HDAC1: variants seen among roughly 807,000 people sequenced by gnomAD.
HDAC1 encodes the protein protein deacetylase HDAC1.
Under a neutral mutation model 65.5 loss-of-function variants are expected in HDAC1, and 18 were observed. That is an observed-to-expected ratio of 0.27 (90% CI 0.19 to 0.41). HDAC1 has a LOEUF of 0.41. Ranked by LOEUF, HDAC1 falls within the 10% of genes least tolerant of loss-of-function variation. HDAC1 has a pLI of 1.00. For synonymous variants in HDAC1, 211 were observed against 227.9 expected, an observed-to-expected ratio of 0.93 and a Z score of 0.67; for missense variants, 373 against 625.2, an observed-to-expected ratio of 0.60 and a Z score of 4.30.
At chr1:32,321,808 CT>C (rs1372651782) in intron 3 of HDAC1, among the ~76,000 whole-genome samples, 1 of 151,986 alleles carries the variant, frequency 6.6e-6, no homozygotes, top group Non-Finnish European at 1.5e-5. Context: ...ATAAACAAAG[CT>C]TTGGAAACGC....
intron 2 of HDAC1, among the ~76,000 whole-genome samples, chr1:32,309,602 G>T (rs1361768978): frequency 1.3e-5 from 2 of 150,158 alleles, no homozygotes; most frequent in African/African-American, 4.9e-5. Context: ...CAGGAAAATC[G>T]CTTGAACCTG....
In HDAC1 at chr1:32,327,376, A is replaced by G; in HGVS notation, c.495-160A>G. 1.5e-6 allele frequency: 1 copy of G among 674,182 alleles called. No individual in the cohort carries two copies. Among genetic ancestry groups the G allele is most frequent in the Non-Finnish European group, 2.6e-6 (1 of 386,060 alleles). 41.8% of individuals were successfully genotyped at this position (674,182 alleles called of 1,614,324 possible). A position where few individuals can be genotyped will look rare whatever the true frequency, so the allele number is the denominator to read the frequency against. On this transcript the variant is annotated intron_variant, in intron 5 of 13. Coordinates refer to ENST00000373548, the MANE Select transcript of HDAC1 (RefSeq NM_004964.3). This position sits in a 1 kb window ranked among gnomAD's most constrained non-coding sequence, Gnocchi z 6.0. ...GGTCGGCTTGGTCAGGCCTCTGGAG[A>G]CACCCGGCCGCTCTTCCACCTTCCT...
At chr1:32,305,437 T>C (rs544467356) in intron 2 of HDAC1, among the ~76,000 whole-genome samples, 1 of 152,326 alleles carries the variant, frequency 6.6e-6, no homozygotes, top group South Asian at 2.1e-4. Context: ...TTGCCAGCTA[T>C]GTAGGAGAAT....
intron 1 of HDAC1, among the ~76,000 whole-genome samples, chr1:32,298,666 GT>G (rs1263243935): frequency 6.6e-6 from 1 of 152,160 alleles, no homozygotes; most frequent in East Asian, 1.9e-4. Flanking sequence ...AATGATAGGA[GT>G]TCCTATTATG....
In HDAC1 at chr1:32,329,382, T is replaced by G; in HGVS notation, c.729+222T>G. On this transcript the variant is annotated intron_variant, in intron 7 of 13. Coordinates refer to ENST00000373548, the MANE Select transcript of HDAC1 (RefSeq NM_004964.3). The surrounding 1 kb of genome is among the most constrained non-coding windows in gnomAD (Gnocchi z 4.1). ...AGGTCTTCTGCTGGATACAAAAATATCTAAGACATGATCTTTGCCCTCACG... is the reference window on the plus strand; with the variant it reads ...AGGTCTTCTGCTGGATACAAAAATAGCTAAGACATGATCTTTGCCCTCACG... The G allele has an allele frequency of 1.7e-6, 1 of 598,038 alleles. No individual in the cohort carries two copies. The highest frequency in any genetic ancestry group is 3.0e-6 in the Non-Finnish European group (1 of 335,198). 37.0% of individuals were successfully genotyped at this position (598,038 alleles called of 1,614,324 possible).
chr1:32,321,451 G>T (rs1641146114), intron 3 of HDAC1, among the ~76,000 whole-genome samples: 1 of 129,718 alleles, frequency 7.7e-6, no homozygotes, highest in Admixed American at 1.0e-4. Flanking sequence ...CCATCTCTTT[G>T]CAATGAGCAT....
At chr1:32,294,434 C>T (rs1640739538) in intron 1 of HDAC1, among the ~76,000 whole-genome samples, 1 of 151,828 alleles carries the variant, frequency 6.6e-6, no homozygotes, top group Non-Finnish European at 1.5e-5. Context: ...GCATGAGCCA[C>T]ACTTCCTGGC....
At position 32,330,439 on chromosome 1, in the gene HDAC1, C is replaced by A; in HGVS notation, c.730-139C>A. ...TGGGCAAGCAAGGGCTCCAGCCTAG[C>A]ACTCCCTTTTCTCTCCCACATAGCA... On this transcript the variant is annotated intron_variant, in intron 7 of 13. Coordinates refer to ENST00000373548, the MANE Select transcript of HDAC1 (RefSeq NM_004964.3). This position sits in a 1 kb window ranked among gnomAD's most constrained non-coding sequence, Gnocchi z 4.2. 1 of 698,044 alleles carries A rather than the reference C, an allele frequency of 1.4e-6. No individual in the cohort carries two copies. The highest frequency in any genetic ancestry group is 2.6e-6 in the Non-Finnish European group (1 of 389,074). 43.2% of individuals were successfully genotyped at this position (698,044 alleles called of 1,614,324 possible).
At chr1:32,307,573 G>A (rs765738682) in intron 2 of HDAC1, among the ~76,000 whole-genome samples, 1 of 152,198 alleles carries the variant, frequency 6.6e-6, no homozygotes, top group Non-Finnish European at 1.5e-5. Context: ...ACACCCAGGG[G>A]ACAGAGCTGG....
chr1:32,329,338 T>C lies in HDAC1; in HGVS notation c.729+178T>C, dbSNP rs922942650. On this transcript the variant is annotated intron_variant, in intron 7 of 13. Coordinates refer to ENST00000373548, the MANE Select transcript of HDAC1 (RefSeq NM_004964.3). The surrounding 1 kb of genome is among the most constrained non-coding windows in gnomAD (Gnocchi z 4.1). ...TTAGGGGAACAAACACCCATATTTA[T>C]TGGTTCCTTCTATGGGTCAGGTCTT... The C allele has an allele frequency of 6.5e-6, 4 of 614,266 alleles. No individual in the cohort carries two copies. The highest frequency in any genetic ancestry group is 1.2e-5 in the Non-Finnish European group (4 of 343,008). 38.1% of individuals were successfully genotyped at this position (614,266 alleles called of 1,614,324 possible).
chr1:32,324,309 C>G (rs1641187793), intron 3 of HDAC1, among the ~76,000 whole-genome samples, 170 bp from the exon 4 acceptor site: 1 of 152,020 alleles, frequency 6.6e-6, no homozygotes, highest in African/African-American at 2.4e-5. Flanking sequence ...TAATAATGGG[C>G]TAAAGCTCAA....
Position 32,327,321 on chromosome 1 carries a change from C to A in HDAC1, c.495-215C>A. Reference sequence around the variant, plus strand: ...AGTGTCCCTGTGTGGCTGGAGTTGACCCTGGCTGTAGAGTAGGAAGATCGG... The same window carrying A: ...AGTGTCCCTGTGTGGCTGGAGTTGAACCTGGCTGTAGAGTAGGAAGATCGG... On this transcript the variant is annotated intron_variant, in intron 5 of 13. Transcript: ENST00000373548. The surrounding 1 kb of genome is among the most constrained non-coding windows in gnomAD (Gnocchi z 6.0). The A allele has an allele frequency of 1.6e-6, 1 of 618,230 alleles. No homozygotes were observed. The highest frequency in any genetic ancestry group is 1.8e-5 in the African/African-American group (1 of 54,338). 38.3% of individuals were successfully genotyped at this position (618,230 alleles called of 1,614,324 possible).
chr1:32,309,221 A>G (rs1640954727), intron 2 of HDAC1, among the ~76,000 whole-genome samples: 2 of 152,250 alleles, frequency 1.3e-5, no homozygotes, highest in Admixed American at 1.3e-4. Context: ...CTCCCAGAGT[A>G]GACCAAGCAA....
intron 1 of HDAC1, among the ~76,000 whole-genome samples, chr1:32,296,697 G>C (rs1290863231): frequency 1.3e-5 from 2 of 152,148 alleles, no homozygotes; most frequent in Admixed American, 6.6e-5. Flanking sequence ...CCTTTTAAAG[G>C]GAAGCTTGTG....
Position 32,321,230 on chromosome 1 carries a change from C to CAAA in HDAC1, c.281-3238_281-3236dup, listed in dbSNP as rs112104314. Among the ~76,000 whole-genome samples the CAAA allele has an allele frequency of 4.1e-4, 56 of 136,410 alleles. No homozygotes were observed. The East Asian group carries it at 8.5e-3, about 21-fold the overall frequency. 89.5% of individuals were successfully genotyped at this position (136,410 alleles called of 152,430 possible). A position where few individuals can be genotyped will look rare whatever the true frequency, so the allele number is the denominator to read the frequency against. ...TGGGCAACAGAGCAAGACTCTGTCT[C>CAAA]AAAAAAAAAAAAATAATAATAATAA... is the stretch of plus-strand genomic sequence containing the variant. On this transcript the variant is annotated intron_variant, in intron 3 of 13. Coordinates refer to ENST00000373548, the MANE Select transcript of HDAC1 (RefSeq NM_004964.3).
chr1:32,315,621 G>A (rs1641050389), intron 2 of HDAC1, among the ~76,000 whole-genome samples: 7 of 150,960 alleles, frequency 4.6e-5, no homozygotes, highest in Admixed American at 4.6e-4. Flanking sequence ...CCAAAGTGCT[G>A]GGATTACAGG....
In HDAC1 at chr1:32,332,151, A is replaced by G. The variant is rs1641301009; in HGVS notation, c.1281A>G (p.Gly427=). ...EEEFSDSEEE[G]EGGRKNSSNF... is the part of the protein sequence containing the mutation. ...AGTTCTCCGATTCTGAAGAGGAGGG[A>G]GAGGGGGGCCGCAAGAACTCTTCCA... The change falls in exon 12 of 14, where the codon GGA becomes GGG. Residue 427 remains glycine, a synonymous_variant. Transcript: ENST00000373548. 3 of 1,613,312 alleles carry G rather than the reference A, an allele frequency of 1.9e-6. No individual in the cohort carries two copies. The highest frequency in any genetic ancestry group is 2.5e-6 in the Non-Finnish European group (3 of 1,179,510).
chr1:32,319,245 A>C (rs578094622), intron 3 of HDAC1, among the ~76,000 whole-genome samples: 4 of 152,200 alleles, frequency 2.6e-5, no homozygotes, highest in African/African-American at 9.6e-5. Context: ...TCTCTAAAAA[A>C]AATTTTTCTA....
intron 2 of HDAC1, among the ~76,000 whole-genome samples, chr1:32,311,719 C>T (rs535213766): frequency 6.6e-6 from 1 of 152,194 alleles, no homozygotes; most frequent in Non-Finnish European, 1.5e-5. Context: ...TGAAAGAGAA[C>T]TTTTGGAAGT....
Sources: allele counts gnomAD v4.1 joint callset (sites outside exome capture counted in the v4.1 genomes callset), GRCh38; gene constraint gnomAD v4.1.1; non-coding constraint Gnocchi (gnomAD v3.1); transcripts MANE v1.5; gene names NCBI Gene and HGNC (gene_info 2026-07-23, HGNC 2026-07-21).